GYS2: variants seen among roughly 807,000 people sequenced by gnomAD.
The protein encoded by GYS2 is glycogen synthase 2, also known as glycogen [starch] synthase, liver.
GYS2 carries 80 observed loss-of-function variants against 85.6 expected under a neutral mutation model. That is an observed-to-expected ratio of 0.93 (90% CI 0.78 to 1.13). GYS2 has a LOEUF of 1.13. Among genes scored for constraint, GYS2 ranks in the 50% most tolerant of loss-of-function variants. The probability of loss-of-function intolerance (pLI) is 0.00; values close to 1 mark genes in which losing one functional copy is unlikely to be tolerated. For missense variants in GYS2, 881 were observed against 854.9 expected (o/e 1.03, Z -0.38); for synonymous variants, 328 against 300.7 (o/e 1.09, Z -0.94).
chr12:21,565,740 C>T (rs368635960), intron 5 of GYS2, among the ~76,000 whole-genome samples: 1 of 151,382 alleles, frequency 6.6e-6, no homozygotes, highest in African/African-American at 2.4e-5. Context: ...TTTTCACTTC[C>T]GTTCCATAAT....
intron 7 of GYS2, among the ~76,000 whole-genome samples, 171 bp from the exon 8 acceptor site, chr12:21,560,663 T>C (rs1944242357): frequency 6.6e-6 from 1 of 152,242 alleles, no homozygotes; most frequent in Non-Finnish European, 1.5e-5. Context: ...TTTTCAGAAA[T>C]TTTAATTAAA....
At chr12:21,561,927 A>G (rs1944257936) in intron 7 of GYS2, among the ~76,000 whole-genome samples, 1 of 152,150 alleles carries the variant, frequency 6.6e-6, no homozygotes. Flanking sequence ...GTAGTACAGA[A>G]CTCAGGAAAG....
At chr12:21,565,785 A>G (rs1465295014) in intron 5 of GYS2, among the ~76,000 whole-genome samples, 2 of 131,172 alleles carry the variant, frequency 1.5e-5, no homozygotes, top group Non-Finnish European at 3.3e-5. Flanking sequence ...TTGGTCACTA[A>G]TTTCTTGCTA....
intron 3 of GYS2, 69 bp from the exon 4 acceptor site, chr12:21,574,395 C>A (rs1944421776): frequency 8.6e-7 from 1 of 1,157,872 alleles, no homozygotes; most frequent in South Asian, 1.2e-5. Context: ...TGGTCCACAT[C>A]ATAAGTGGAG....
intron 4 of GYS2, among the ~76,000 whole-genome samples, chr12:21,572,524 A>G (rs1282912556): frequency 6.6e-6 from 1 of 152,172 alleles, no homozygotes; most frequent in Non-Finnish European, 1.5e-5. Context: ...TAAAATGACT[A>G]TGAATTTAAC....
intron 11 of GYS2, among the ~76,000 whole-genome samples, chr12:21,550,766 C>T (rs1404914271): frequency 2.6e-5 from 4 of 152,084 alleles, no homozygotes; most frequent in Admixed American, 6.6e-5. Context: ...CATGATGAAA[C>T]CCCATCTCCA....
intron 11 of GYS2, among the ~76,000 whole-genome samples, chr12:21,553,457 T>C (rs1453689677): frequency 2.0e-5 from 3 of 152,208 alleles, no homozygotes; most frequent in South Asian, 2.1e-4. Context: ...ACAGCACCAA[T>C]TGCCTTCCCT....
intron 11 of GYS2, among the ~76,000 whole-genome samples, chr12:21,548,214 A>ATT (rs890772734): frequency 6.6e-6 from 1 of 151,642 alleles, no homozygotes; most frequent in African/African-American, 2.4e-5. Context: ...CATGGAGAAA[A>ATT]TTTTTTTTTT....
intron 10 of GYS2, 100 bp downstream of exon 10, chr12:21,558,991 T>C (rs1944217999): frequency 2.9e-6 from 2 of 697,498 alleles, no homozygotes; most frequent in African/African-American, 3.6e-5. Context: ...TAGCCTCAGG[T>C]CTGAAAATGT....
At chr12:21,588,722 C>T (rs1446707850) in intron 1 of GYS2, among the ~76,000 whole-genome samples, 1 of 152,218 alleles carries the variant, frequency 6.6e-6, no homozygotes, top group Admixed American at 6.5e-5. Context: ...TGGACAAGAA[C>T]AGACATGATT....
chr12:21,538,444 C>T (rs1167500306), intron 15 of GYS2, among the ~76,000 whole-genome samples: 1 of 152,166 alleles, frequency 6.6e-6, no homozygotes, highest in Non-Finnish European at 1.5e-5. Context: ...CTCTGAATGA[C>T]TCTTATAAGA....
chr12:21,577,943 G>A (rs1470118304), intron 2 of GYS2, among the ~76,000 whole-genome samples: 1 of 152,108 alleles, frequency 6.6e-6, no homozygotes, highest in Non-Finnish European at 1.5e-5. Flanking sequence ...CAACTTCAAA[G>A]TCCAGATTTT....
At chr12:21,592,317 G>C (rs1944649206) in intron 1 of GYS2, among the ~76,000 whole-genome samples, 1 of 151,754 alleles carries the variant, frequency 6.6e-6, no homozygotes, top group South Asian at 2.1e-4. Flanking sequence ...CATGTAAATG[G>C]ATTAAATTGT....
intron 1 of GYS2, among the ~76,000 whole-genome samples, chr12:21,585,523 G>A (rs921128776): frequency 6.9e-6 from 1 of 145,752 alleles, no homozygotes; most frequent in African/African-American, 2.6e-5. Context: ...GCCATTCCAG[G>A]CAGGACTACA....
At chr12:21,537,317 G>T (rs950193271) in intron 15 of GYS2, 142 bp from the exon 16 acceptor site, 2 of 685,244 alleles carry the variant, frequency 2.9e-6, no homozygotes, top group Admixed American at 2.2e-5. Flanking sequence ...GATTCATTTT[G>T]ATTTTGATAC....
chr12:21,582,466 C>T (rs904583830), intron 1 of GYS2, among the ~76,000 whole-genome samples: 1 of 152,102 alleles, frequency 6.6e-6, no homozygotes, highest in African/African-American at 2.4e-5. Flanking sequence ...GGTTCTTCAG[C>T]TTTGGGACTC....
chr12:21,567,946 G>A (rs1457226510), intron 5 of GYS2, among the ~76,000 whole-genome samples: 3 of 151,942 alleles, frequency 2.0e-5, no homozygotes, highest in Non-Finnish European at 4.4e-5. Flanking sequence ...GGTGGCAGGT[G>A]CCTGTAATCC....
At chr12:21,537,991 A>G (rs1328376857) in intron 15 of GYS2, among the ~76,000 whole-genome samples, 1 of 152,232 alleles carries the variant, frequency 6.6e-6, no homozygotes, top group Non-Finnish European at 1.5e-5. Context: ...AGGTTCAGAT[A>G]CTTTACCTGT....
At position 21,571,198 on chromosome 12, in the gene GYS2, T is replaced by C. The variant is rs1944381014; in HGVS notation, c.679-2189A>G. ...GAAGTCGGGTGGGTGTGCATGCTTC[T>C]GCCTTTCCCTCCTCCCATGGGGCAC... On this transcript the variant is annotated intron_variant, in intron 4 of 15. Transcript: ENST00000261195. Among the ~76,000 whole-genome samples the C allele has an allele frequency of 2.0e-5, 3 of 152,208 alleles. No homozygotes were observed. The South Asian group carries it at 6.2e-4, about 31-fold the overall frequency.
Sources: allele counts gnomAD v4.1 joint callset (sites outside exome capture counted in the v4.1 genomes callset), GRCh38; gene constraint gnomAD v4.1.1; transcripts MANE v1.5; gene names NCBI Gene and HGNC (gene_info 2026-07-23, HGNC 2026-07-21).